ARHGEF37: variants seen among roughly 807,000 people sequenced by gnomAD.
ARHGEF37 encodes the protein Rho guanine nucleotide exchange factor (GEF) 37.
A neutral mutation model predicts 71.1 loss-of-function variants in ARHGEF37; 55 were observed. The ratio of observed to expected loss-of-function variants is 0.77; its 90% confidence interval spans 0.62 to 0.97. The LOEUF is 0.97. Ranked by LOEUF, ARHGEF37 falls within the 50% of genes least tolerant of loss-of-function variation. The pLI, the probability that ARHGEF37 is intolerant of heterozygous loss-of-function variation, is 0.00. For missense variants in ARHGEF37, 765 were observed against 836.8 expected (o/e 0.91, Z 1.06); for synonymous variants, 327 against 350.6 (o/e 0.93, Z 0.75).
intron 1 of ARHGEF37, among the ~76,000 whole-genome samples, chr5:149,563,946 A>ATTTTTT (rs570750342): frequency 3.2e-5 from 4 of 124,862 alleles, no homozygotes; most frequent in Non-Finnish European, 6.6e-5. Flanking sequence ...ATTAGTTTAA[A>ATTTTTT]TTTTTTTTTT....
intron 3 of ARHGEF37, among the ~76,000 whole-genome samples, chr5:149,601,984 T>A (rs2113320903): frequency 6.6e-6 from 1 of 152,240 alleles, no homozygotes; most frequent in East Asian, 1.9e-4. Context: ...GAGTTTATTC[T>A]AACTGTGATG....
chr5:149,629,459 T>A (rs537133683), intron 12 of ARHGEF37, among the ~76,000 whole-genome samples: 1 of 152,060 alleles, frequency 6.6e-6, no homozygotes, highest in South Asian at 2.1e-4. Context: ...CTGAGAAGAG[T>A]GGTGCTTTTT....
chr5:149,580,630 G>C (rs79642983), upstream of ARHGEF37, among the ~76,000 whole-genome samples: 2 of 152,114 alleles, frequency 1.3e-5, no homozygotes, highest in Non-Finnish European at 2.9e-5. Context: ...CTATCTCTTA[G>C]AGAAATTGTG....
chr5:149,612,348 T>C (rs1434309720), intron 4 of ARHGEF37, among the ~76,000 whole-genome samples: 1 of 152,158 alleles, frequency 6.6e-6, no homozygotes, highest in Admixed American at 6.6e-5. Context: ...TTTGTATTTT[T>C]AGTAGAGATG....
chr5:149,560,665 G>A (rs921323291), intron 1 of ARHGEF37, among the ~76,000 whole-genome samples: 6 of 152,132 alleles, frequency 3.9e-5, no homozygotes, highest in African/African-American at 1.4e-4. Flanking sequence ...GCTCATGCCT[G>A]TAATCCCAAC....
At chr5:149,592,749 T>C (rs577322611) in intron 1 of ARHGEF37, among the ~76,000 whole-genome samples, 1 of 151,222 alleles carries the variant, frequency 6.6e-6, no homozygotes, top group East Asian at 1.9e-4. Context: ...CGTTTTCTTG[T>C]TTTTTTTGGT....
chr5:149,616,891 A>G (rs889529607), intron 5 of ARHGEF37, 125 bp downstream of exon 5: 1 of 1,020,970 alleles, frequency 9.8e-7, no homozygotes, highest in Non-Finnish European at 1.4e-6. Context: ...ATCCAGAGGT[A>G]ATGCAAGCTT....
At chr5:149,567,320 A>G (rs567849342) in intron 1 of ARHGEF37, among the ~76,000 whole-genome samples, 1 of 152,312 alleles carries the variant, frequency 6.6e-6, no homozygotes, top group Non-Finnish European at 1.5e-5. Flanking sequence ...CATTATGCCA[A>G]CCCAGCATAT....
chr5:149,598,972 C>T (rs1763674328), intron 2 of ARHGEF37, among the ~76,000 whole-genome samples: 1 of 151,992 alleles, frequency 6.6e-6, no homozygotes, highest in South Asian at 2.1e-4. Flanking sequence ...TTGGGAATCA[C>T]CTTGAGATGT....
intron 11 of ARHGEF37, 77 bp from the exon 12 acceptor site, chr5:149,628,732 T>C: frequency 6.7e-7 from 1 of 1,494,588 alleles, no homozygotes; most frequent in Non-Finnish European, 9.0e-7. Context: ...GAAACATTTA[T>C]ATCCATGGAT....
At chr5:149,601,262 T>C in intron 3 of ARHGEF37, 31 bp downstream of exon 3, 1 of 1,601,088 alleles carries the variant, frequency 6.2e-7, no homozygotes, top group Non-Finnish European at 8.5e-7. Flanking sequence ...GTTGTCAGCC[T>C]TAGATTCTCA....
At chr5:149,598,751 T>TAGATATAG (rs1561794938) in intron 2 of ARHGEF37, among the ~76,000 whole-genome samples, 1 of 40,826 alleles carries the variant, frequency 2.4e-5, no homozygotes, top group African/African-American at 7.2e-5. Flanking sequence ...TATATATATC[T>TAGATATAG]ATATATAGAT....
In ARHGEF37 at chr5:149,583,162, G is replaced by A. The variant is rs968700002; in HGVS notation, c.-12+1538G>A. Among the ~76,000 whole-genome samples, 7 of 152,108 alleles carry A rather than the reference G, an allele frequency of 4.6e-5. No homozygotes were observed. In the South Asian group the frequency reaches 8.3e-4, roughly 18 times the overall value. ...TTTTCTTTGTTTGTTTGTTTTAGAC[G>A]AAGTCTCGCTGTCTCCCAGGCTGGA... On this transcript the variant is annotated intron_variant, in intron 1 of 12. Coordinates refer to ENST00000333677, the MANE Select transcript of ARHGEF37 (RefSeq NM_001001669.3).
At chr5:149,571,248 T>C (rs1208841214) in intron 1 of ARHGEF37, among the ~76,000 whole-genome samples, 2 of 152,046 alleles carry the variant, frequency 1.3e-5, no homozygotes, top group Non-Finnish European at 2.9e-5. Flanking sequence ...GGCCAAGTTT[T>C]GTTTTGTTTT....
At chr5:149,598,265 CTTCT>C (rs1333867519) in intron 2 of ARHGEF37, among the ~76,000 whole-genome samples, 3 of 98,490 alleles carry the variant, frequency 3.0e-5, no homozygotes, top group Non-Finnish European at 6.1e-5. Context: ...TAAACTGACT[CTTCT>C]TCTTCTTCTT....
chr5:149,625,055 C>T lies in ARHGEF37; in HGVS notation c.1464+915C>T, dbSNP rs146282489. On this transcript the variant is annotated intron_variant, in intron 10 of 12. Coordinates refer to ENST00000333677, the MANE Select transcript of ARHGEF37 (RefSeq NM_001001669.3). Reference sequence around the variant, plus strand: ...CTGGGATTACAGGCACCCACCACTACGCCTGGCTAATTTTGTATTTTTAGT... The same window carrying T: ...CTGGGATTACAGGCACCCACCACTATGCCTGGCTAATTTTGTATTTTTAGT... Among the ~76,000 whole-genome samples, 577 of 151,898 alleles carry T rather than the reference C, an allele frequency of 3.8e-3. 6 individuals are homozygous for T. The highest frequency in any genetic ancestry group is 0.013 in the African/African-American group (544 of 41,436).
rs138584965 is a variant in ARHGEF37, at chr5:149,609,161, G to A, written c.311-387G>A. Among the ~76,000 whole-genome samples the A allele has an allele frequency of 2.9e-3, 442 of 152,136 alleles. 3 individuals carry two copies. The highest frequency in any genetic ancestry group is 9.9e-3 in the African/African-American group (413 of 41,518). On this transcript the variant is annotated intron_variant, in intron 3 of 12. Coordinates refer to ENST00000333677, the MANE Select transcript of ARHGEF37 (RefSeq NM_001001669.3). ...ATTGCGCCACCACACTCCAGCCTGG[G>A]GGACAAGAGCAAGACTCTATCTCAA...
intron 5 of ARHGEF37, among the ~76,000 whole-genome samples, chr5:149,617,630 C>A (rs569932509): frequency 7.9e-5 from 12 of 152,194 alleles, no homozygotes; most frequent in Non-Finnish European, 1.2e-4. Context: ...TGCTTCCTGT[C>A]GCAGAACTGG....
chr5:149,592,213 C>G (rs1367839579), intron 1 of ARHGEF37, among the ~76,000 whole-genome samples: 1 of 152,200 alleles, frequency 6.6e-6, no homozygotes, highest in Non-Finnish European at 1.5e-5. Flanking sequence ...TGTGTAGTCA[C>G]CACCTCAATT....
Sources: gnomAD v4.1 joint callset for allele counts (sites outside exome capture counted in the v4.1 genomes callset) on GRCh38, gnomAD v4.1.1 for gene constraint, MANE v1.5 for transcripts, NCBI Gene and HGNC (gene_info 2026-07-23, HGNC 2026-07-21) for gene names.